Variants in TPGS2 observed in about 807,000 individuals in gnomAD.
TPGS2 encodes polyglutamylase subunit 2.
A neutral mutation model predicts 31.1 loss-of-function variants in TPGS2; 26 were observed. The observed-to-expected ratio is 0.84, with a 90% CI of 0.61 to 1.16. TPGS2 has a LOEUF of 1.16. Among genes scored for constraint, TPGS2 ranks in the 50% most tolerant of loss-of-function variants. The pLI is 0.00. For missense variants in TPGS2, 351 were observed against 363.8 expected (o/e 0.96, Z 0.29); for synonymous variants, 130 against 136.6 (o/e 0.95, Z 0.34).
intron 1 of TPGS2, chr18:36,823,752 G>A (rs1185481365): frequency 1.0e-5 from 9 of 891,688 alleles, no homozygotes; most frequent in Middle Eastern, 5.7e-4. Context: ...GAGCCACCGC[G>A]CCCGGCCAAC....
At chr18:36,822,326 G>A (rs1341978578) in intron 1 of TPGS2, among the ~76,000 whole-genome samples, 1 of 152,154 alleles carries the variant, frequency 6.6e-6, no homozygotes, top group African/African-American at 2.4e-5. Context: ...GCCTGTGCAT[G>A]GATTCCTCTA....
At chr18:36,791,362 G>A (rs546198764), downstream of TPGS2, among the ~76,000 whole-genome samples, 1 of 152,326 alleles carries the variant, frequency 6.6e-6, no homozygotes, top group East Asian at 1.9e-4. Flanking sequence ...GTGACCAAAA[G>A]TTAATTGAGT....
intron 6 of TPGS2, among the ~76,000 whole-genome samples, chr18:36,783,867 T>A (rs140665307): frequency 1.0e-3 from 153 of 152,212 alleles, no homozygotes; most frequent in Non-Finnish European, 2.0e-3. Flanking sequence ...AAATTAAGGA[T>A]CCTGATATAT....
Position 36,828,899 on chromosome 18 carries a change from G to T in TPGS2, c.-132C>A, listed in dbSNP as rs1195694491. 1 of 1,168,690 alleles carries T rather than the reference G, an allele frequency of 8.6e-7. No homozygotes were observed. The highest frequency in any genetic ancestry group is 1.5e-5 in the South Asian group (1 of 67,658). 72.4% of individuals were successfully genotyped at this position (1,168,690 alleles called of 1,614,324 possible). A position where few individuals can be genotyped will look rare whatever the true frequency, so the allele number is the denominator to read the frequency against. Reference sequence around the variant, plus strand: ...CTGAAAGCGCGGCGCAGTGATGATGGGGGCCCGGGGTTGGTCTGACAGCAG... The same window carrying T: ...CTGAAAGCGCGGCGCAGTGATGATGTGGGCCCGGGGTTGGTCTGACAGCAG... On this transcript the variant is annotated 5_prime_UTR_variant, in exon 1 of 7. Transcript: ENST00000334295.
chr18:36,821,313 T>G (rs1482776757), intron 1 of TPGS2, among the ~76,000 whole-genome samples: 2 of 152,168 alleles, frequency 1.3e-5, no homozygotes, highest in East Asian at 3.9e-4. Flanking sequence ...TAGAAGCCAT[T>G]TGATGATTCC....
At chr18:36,808,721 T>C (rs1265321783) in intron 2 of TPGS2, among the ~76,000 whole-genome samples, 1 of 152,072 alleles carries the variant, frequency 6.6e-6, no homozygotes. Context: ...AAGGTAACCA[T>C]ATATACTCAA....
chr18:36,809,744 A>G (rs1386673924), intron 2 of TPGS2, among the ~76,000 whole-genome samples: 1 of 152,178 alleles, frequency 6.6e-6, no homozygotes, highest in African/African-American at 2.4e-5. Context: ...TGACATTTTG[A>G]TCACTAGTGC....
At position 36,807,922 on chromosome 18, in the gene TPGS2, C is replaced by T; in HGVS notation, c.178G>A (p.Val60Met). ...ISSWEQKNNC[V>M]MPEDVKNFYL... Reference sequence around the variant, plus strand: ...AAGTTCTTCACATCTTCAGGCATCACACAGTTATTCTTCTAGAATCACAAA... The same window carrying T: ...AAGTTCTTCACATCTTCAGGCATCATACAGTTATTCTTCTAGAATCACAAA... The change falls in exon 3 of 7, where the codon GTG becomes ATG. Residue 60 changes from valine to methionine, a missense_variant. By Grantham distance (21) the Val-to-Met change is conservative (BLOSUM62 1). Transcript: ENST00000334295. 1 of 1,614,138 alleles carries T rather than the reference C, an allele frequency of 6.2e-7. No individual in the cohort carries two copies. Among genetic ancestry groups the T allele is most frequent in the Non-Finnish European group, 8.5e-7 (1 of 1,180,010 alleles).
chr18:36,797,681 G>A (rs576131598), intron 6 of TPGS2, among the ~76,000 whole-genome samples: 48 of 150,632 alleles, frequency 3.2e-4, no homozygotes, highest in African/African-American at 5.4e-4. Context: ...AGCTGGAGCT[G>A]AGTTCCTAAT....
chr18:36,813,062 G>T (rs1473881735), intron 2 of TPGS2, among the ~76,000 whole-genome samples: 2 of 152,206 alleles, frequency 1.3e-5, no homozygotes, highest in Non-Finnish European at 2.9e-5. Context: ...TGAACCAACT[G>T]CAACTGTCTA....
Position 36,796,960 on chromosome 18 carries a change from T to C in TPGS2, c.748A>G (p.Lys250Glu), listed in dbSNP as rs1314818925. Residue 250 changes from lysine to glutamate, a missense_variant, in exon 7 of 7, where the codon AAA (lysine) becomes GAA (glutamate). Coordinates refer to ENST00000334295, the MANE Select transcript of TPGS2 (RefSeq NM_015476.4). ...ATCTTGTTCTTGCTCTTAAACACTT[T>C]GCTGGGATCTAGCTTATTCACAAAG... ...DSFVNKLDPS[K>E]VFKSKNKIVI... 2 of 1,605,400 alleles carry C rather than the reference T, an allele frequency of 1.2e-6. No individual in the cohort carries two copies. Among genetic ancestry groups the C allele is most frequent in the Non-Finnish European group, 1.7e-6 (2 of 1,177,380 alleles).
At chr18:36,800,687 T>A (rs938659131) in intron 4 of TPGS2, among the ~76,000 whole-genome samples, 6 of 148,506 alleles carry the variant, frequency 4.0e-5, no homozygotes, top group Non-Finnish European at 6.0e-5. Flanking sequence ...ATCTGAATCT[T>A]TCTTTCTTTT....
At chr18:36,811,616 G>T (rs147666279) in intron 2 of TPGS2, among the ~76,000 whole-genome samples, 1 of 152,302 alleles carries the variant, frequency 6.6e-6, no homozygotes, top group African/African-American at 2.4e-5. Flanking sequence ...GGAAGCCTTT[G>T]CATCTACAGC....
At chr18:36,790,349 A>C (rs561764875), downstream of TPGS2, among the ~76,000 whole-genome samples, 2 of 152,330 alleles carry the variant, frequency 1.3e-5, no homozygotes, top group South Asian at 4.1e-4. Context: ...CTGTTCACAG[A>C]AGATTTTATC....
In TPGS2 at chr18:36,795,003, A is replaced by ACTC; in HGVS notation, c.*1799_*1801dup. Reference sequence around the variant, plus strand: ...CGAAGCTCAGTTTATGCTCCCAAAGACTCTTAAGCGCTGATATTTCAAGAC... The same window carrying ACTC: ...CGAAGCTCAGTTTATGCTCCCAAAGACTCCTCTTAAGCGCTGATATTTCAAGAC... On this transcript the variant is annotated 3_prime_UTR_variant, in exon 7 of 7. Coordinates refer to ENST00000334295, the MANE Select transcript of TPGS2 (RefSeq NM_015476.4). The ACTC allele has an allele frequency of 1.0e-6, 1 of 985,304 alleles. No individual in the cohort carries two copies. Among genetic ancestry groups the ACTC allele is most frequent in the East Asian group, 1.1e-4 (1 of 8,798 alleles). The allele number at this position is 985,304 out of a possible 1,614,324, so 61.0% of individuals were successfully genotyped here.
chr18:36,793,337 C>T (rs1040931139), downstream of TPGS2, among the ~76,000 whole-genome samples: 3 of 152,068 alleles, frequency 2.0e-5, no homozygotes, highest in South Asian at 2.1e-4. Context: ...TGTCAGAGCT[C>T]GAAGAGATTC....
downstream of TPGS2, chr18:36,780,029 A>T (rs2150507502): frequency 4.1e-6 from 3 of 730,800 alleles, no homozygotes; most frequent in East Asian, 1.0e-4. Flanking sequence ...CCATGTTTCA[A>T]ATACTAAATA....
chr18:36,818,969 A>ACTGG lies in TPGS2; in HGVS notation c.89_90insCCAG (p.Ser31GlnfsTer7), dbSNP rs758705425. On this transcript the variant is annotated frameshift_variant, in exon 2 of 7. Coordinates refer to ENST00000334295, the MANE Select transcript of TPGS2 (RefSeq NM_015476.4). LOFTEE classifies it high-confidence loss of function. Reference sequence around the variant, plus strand: ...TGGTCACCTCAGTCACACCTGGGGAAGATTCTGGAAGAGAAAAAAGAGTCT... The same window carrying ACTGG: ...TGGTCACCTCAGTCACACCTGGGGAACTGGGATTCTGGAAGAGAAAAAAGAGTCT... 1 of 1,612,538 alleles carries ACTGG rather than the reference A, an allele frequency of 6.2e-7. No homozygotes were observed. Among genetic ancestry groups the ACTGG allele is most frequent in the Admixed American group, 1.7e-5 (1 of 59,686 alleles).
At chr18:36,824,393 C>A (rs1312387829) in intron 1 of TPGS2, among the ~76,000 whole-genome samples, 1 of 152,146 alleles carries the variant, frequency 6.6e-6, no homozygotes, top group Non-Finnish European at 1.5e-5. Flanking sequence ...GAAAGGGAAT[C>A]CAGAAATGGA....
Sources: gnomAD v4.1 joint callset for allele counts (sites outside exome capture counted in the v4.1 genomes callset) on GRCh38, gnomAD v4.1.1 for gene constraint, MANE v1.5 for transcripts, NCBI Gene and HGNC (gene_info 2026-07-23, HGNC 2026-07-21) for gene names.